Variants in DGLUCY observed in about 807,000 individuals in gnomAD.
DGLUCY encodes D-glutamate cyclase, also known as D-glutamate cyclase, mitochondrial.
In DGLUCY, 58 loss-of-function variants were observed where a neutral mutation model predicts 58.5. The observed-to-expected ratio is 0.99, with a 90% CI of 0.80 to 1.23. The LOEUF is 1.23. Ranked by LOEUF, DGLUCY falls within the 50% of genes most tolerant of loss-of-function variation. The pLI, the probability that DGLUCY is intolerant of heterozygous loss-of-function variation, is 0.00. For missense variants in DGLUCY, 779 were observed against 784.7 expected, an observed-to-expected ratio of 0.99 and a Z score of 0.09; for synonymous variants, 325 against 314.1, an observed-to-expected ratio of 1.03 and a Z score of -0.37.
In DGLUCY at chr14:91,223,125, G is replaced by A. The variant is rs540739252; in HGVS notation, c.1717-1559G>A. ...GTACATATTGAGTCCATAACACCCT[G>A]CCTCCAGAAAATGTTCCCTGAACCA... On this transcript the variant is annotated intron_variant, in intron 13 of 13. Coordinates refer to ENST00000256324, the MANE Select transcript of DGLUCY (RefSeq NM_001102368.3). Among the ~76,000 whole-genome samples, 180 of 152,296 alleles carry A rather than the reference G, an allele frequency of 1.2e-3. 2 individuals are homozygous for A. The South Asian group carries it at 0.036, about 31-fold the overall frequency.
chr14:91,119,648 TTGAG>T (rs2045234025), intron 1 of DGLUCY, among the ~76,000 whole-genome samples: 1 of 152,162 alleles, frequency 6.6e-6, no homozygotes, highest in South Asian at 2.1e-4. Flanking sequence ...TGGCTTAATG[TTGAG>T]TGTCAACTGG....
chr14:91,182,496 C>T (rs1202599269), intron 8 of DGLUCY, among the ~76,000 whole-genome samples: 1 of 152,064 alleles, frequency 6.6e-6, no homozygotes, highest in Non-Finnish European at 1.5e-5. Context: ...TGGTGTCTCA[C>T]TATGTTGCCC....
chr14:91,224,428 T>G (rs992896939), intron 13 of DGLUCY, among the ~76,000 whole-genome samples: 1 of 152,158 alleles, frequency 6.6e-6, no homozygotes, highest in African/African-American at 2.4e-5. Flanking sequence ...TACATAACAG[T>G]AACTACCAAA....
At chr14:91,112,687 G>A (rs1208727763), upstream of DGLUCY, among the ~76,000 whole-genome samples, 1 of 151,402 alleles carries the variant, frequency 6.6e-6, no homozygotes, top group Non-Finnish European at 1.5e-5. Context: ...AAGAGAAAAA[G>A]AAGCAAAAAC....
chr14:91,150,480 C>T (rs531668847), intron 1 of DGLUCY, among the ~76,000 whole-genome samples: 1 of 152,112 alleles, frequency 6.6e-6, no homozygotes, highest in Admixed American at 6.5e-5. Flanking sequence ...GTCTCACTGT[C>T]CCCCAGGCTG....
chr14:91,151,178 T>A (rs908278850), intron 1 of DGLUCY, among the ~76,000 whole-genome samples: 2 of 152,268 alleles, frequency 1.3e-5, no homozygotes, highest in Admixed American at 6.5e-5. Flanking sequence ...AATATTCTAC[T>A]GTATGTATAT....
At chr14:91,086,189 G>T (rs1483294145) in intron 1 of DGLUCY, among the ~76,000 whole-genome samples, 2 of 152,298 alleles carry the variant, frequency 1.3e-5, no homozygotes, top group South Asian at 4.1e-4. Context: ...TTGCAGGAAA[G>T]CAAGGTCAGG....
At chr14:91,195,036 C>T (rs1224629345) in intron 9 of DGLUCY, among the ~76,000 whole-genome samples, 1 of 152,104 alleles carries the variant, frequency 6.6e-6, no homozygotes, top group Non-Finnish European at 1.5e-5. Context: ...TACGGTGCCT[C>T]CTTGGGCTGG....
At chr14:91,220,814 T>C (rs2140786969) in intron 13 of DGLUCY, 1 of 399,910 alleles carries the variant, frequency 2.5e-6, no homozygotes, top group Non-Finnish European at 5.1e-6. Flanking sequence ...GAGTGCCTTG[T>C]CTCACATCCC....
At chr14:91,107,621 A>T (rs1174221642), upstream of DGLUCY, among the ~76,000 whole-genome samples, 2 of 152,124 alleles carry the variant, frequency 1.3e-5, no homozygotes, top group East Asian at 3.8e-4. Flanking sequence ...ATGTTTACTG[A>T]CTCTATGCCA....
intron 1 of DGLUCY, among the ~76,000 whole-genome samples, chr14:91,091,911 G>A (rs1321583959): frequency 6.6e-6 from 1 of 152,118 alleles, no homozygotes; most frequent in East Asian, 1.9e-4. Flanking sequence ...AGTGGCTTTT[G>A]ACTGCCCCTC....
At chr14:91,060,617 C>G (rs1340249566) in exon 1 of DGLUCY, 2 of 814,152 alleles carry the variant, frequency 2.5e-6, no homozygotes, top group East Asian at 6.9e-5. Context: ...CCTCCTCCCC[C>G]TTCGGCGGGC....
chr14:91,161,961 G>C (rs893724234), intron 3 of DGLUCY, among the ~76,000 whole-genome samples: 2 of 152,038 alleles, frequency 1.3e-5, no homozygotes, highest in African/African-American at 4.8e-5. Context: ...CCAGGTTGAC[G>C]ACTGCTTGCT....
chr14:91,213,233 A>C (rs879416913), intron 12 of DGLUCY, among the ~76,000 whole-genome samples: 1 of 152,134 alleles, frequency 6.6e-6, no homozygotes, highest in African/African-American at 2.4e-5. Context: ...CCAGGAGTTC[A>C]GGGCCAGCCT....
At chr14:91,123,640 G>A (rs913465973) in intron 1 of DGLUCY, among the ~76,000 whole-genome samples, 6 of 152,110 alleles carry the variant, frequency 3.9e-5, no homozygotes, top group Admixed American at 3.9e-4. Context: ...AGGCTAGAGT[G>A]CAGTGGCACA....
chr14:91,181,860 T>A (rs2049192543), intron 8 of DGLUCY, among the ~76,000 whole-genome samples: 1 of 152,126 alleles, frequency 6.6e-6, no homozygotes, highest in African/African-American at 2.4e-5. Flanking sequence ...TTGGCCAGGC[T>A]GGTCTTAAAC....
At chr14:91,204,948 G>A (rs907519404) in intron 12 of DGLUCY, 123 bp downstream of exon 12, 1 of 1,336,376 alleles carries the variant, frequency 7.5e-7, no homozygotes, top group Non-Finnish European at 1.0e-6. Flanking sequence ...AGGGCAGGGA[G>A]GGGAGGTGGT....
chr14:91,120,569 G>A (rs558675550), intron 1 of DGLUCY, among the ~76,000 whole-genome samples: 8 of 151,886 alleles, frequency 5.3e-5, no homozygotes, highest in South Asian at 2.1e-4. Context: ...CCACCACCGC[G>A]CCTGGCTAAT....
chr14:91,107,289 C>G (rs535679681), upstream of DGLUCY, among the ~76,000 whole-genome samples: 1 of 151,964 alleles, frequency 6.6e-6, no homozygotes, highest in Admixed American at 6.6e-5. Context: ...CAAGCTGAGG[C>G]GGGTGGATCA....
Sources: allele counts gnomAD v4.1 joint callset (sites outside exome capture counted in the v4.1 genomes callset), GRCh38; gene constraint gnomAD v4.1.1; transcripts MANE v1.5; gene names NCBI Gene and HGNC (gene_info 2026-07-23, HGNC 2026-07-21).